LIMS1: variants seen among roughly 807,000 people sequenced by gnomAD.
LIMS1 encodes the protein LIM zinc finger domain containing 1, also known as LIM and senescent cell antigen-like-containing domain protein 1.
In LIMS1, 18 loss-of-function variants were observed where a neutral mutation model predicts 44.1. The ratio of observed to expected loss-of-function variants is 0.41; its 90% CI spans 0.28 to 0.61. LIMS1 has a LOEUF of 0.61. Ranked by LOEUF, LIMS1 falls within the 20% of genes least tolerant of loss-of-function variation. LIMS1 has a pLI of 0.32. For missense variants in LIMS1, 201 were observed against 422.0 expected, an observed-to-expected ratio of 0.48 and a Z score of 4.59; for synonymous variants, 93 against 149.1, an observed-to-expected ratio of 0.62 and a Z score of 2.74.
chr2:108,637,882 G>A (rs1293018464), intron 1 of LIMS1, among the ~76,000 whole-genome samples: 1 of 145,648 alleles, frequency 6.9e-6, no homozygotes, highest in African/African-American at 2.6e-5. Context: ...TTTTTTTTGA[G>A]ACAGTATCTC....
chr2:108,566,050 T>C (rs377734518), intron 1 of LIMS1, among the ~76,000 whole-genome samples: 53 of 152,214 alleles, frequency 3.5e-4, no homozygotes, highest in South Asian at 1.9e-3. Context: ...GTTTTGTGTT[T>C]TGCTGTCAGT....
intron 2 of LIMS1, among the ~76,000 whole-genome samples, chr2:108,663,871 G>C (rs6750452): frequency 0.44 from 66,248 of 151,618 alleles, 15,969 homozygotes; most frequent in East Asian, 0.95. Flanking sequence ...TCTCCTGCCT[G>C]AGGCTCCCAA....
intron 1 of LIMS1, among the ~76,000 whole-genome samples, chr2:108,553,620 G>A (rs1684831006): frequency 6.6e-6 from 1 of 152,150 alleles, no homozygotes; most frequent in Admixed American, 6.5e-5. Flanking sequence ...TAAATCCCTT[G>A]CTTTGCAAAA....
At chr2:108,614,489 A>G (rs1323900431) in intron 1 of LIMS1, among the ~76,000 whole-genome samples, 2 of 152,162 alleles carry the variant, frequency 1.3e-5, no homozygotes, top group Non-Finnish European at 2.9e-5. Context: ...ACACATTTTT[A>G]TGCCAAATAC....
intron 1 of LIMS1, among the ~76,000 whole-genome samples, chr2:108,551,610 ATATATATG>A (rs1429562096): frequency 1.4e-5 from 2 of 141,940 alleles, no homozygotes; most frequent in African/African-American, 5.4e-5. Context: ...ATATATATGT[ATATATATG>A]TATATATGTG....
At chr2:108,656,268 A>G (rs1379869805) in intron 1 of LIMS1, among the ~76,000 whole-genome samples, 1 of 150,912 alleles carries the variant, frequency 6.6e-6, no homozygotes, top group Non-Finnish European at 1.5e-5. Context: ...GATCAGCTTC[A>G]TCAGTCATGC....
intron 1 of LIMS1, among the ~76,000 whole-genome samples, chr2:108,596,640 A>G (rs1044247763): frequency 2.0e-5 from 3 of 152,296 alleles, no homozygotes; most frequent in African/African-American, 7.2e-5. Flanking sequence ...CCTGATCAAC[A>G]TGGAGAAACC....
chr2:108,654,212 C>T (rs1329532698), intron 1 of LIMS1, among the ~76,000 whole-genome samples: 1 of 151,932 alleles, frequency 6.6e-6, no homozygotes, highest in African/African-American at 2.4e-5. Flanking sequence ...TTTCGCATTG[C>T]TAACTCAATC....
At chr2:108,623,758 T>C (rs1269177603) in intron 1 of LIMS1, among the ~76,000 whole-genome samples, 1 of 152,250 alleles carries the variant, frequency 6.6e-6, no homozygotes, top group Non-Finnish European at 1.5e-5. Context: ...CAGCTCTCAT[T>C]CCTTCTTACT....
intron 1 of LIMS1, among the ~76,000 whole-genome samples, chr2:108,589,683 A>G (rs2718717): frequency 0.17 from 25,954 of 152,014 alleles, 2,639 homozygotes; most frequent in African/African-American, 0.27. Flanking sequence ...GCTGCATCCC[A>G]TAAGTTTTAG....
intron 1 of LIMS1, among the ~76,000 whole-genome samples, chr2:108,648,352 G>C (rs898436774): frequency 1.3e-5 from 2 of 152,152 alleles, no homozygotes; most frequent in Non-Finnish European, 2.9e-5. Context: ...CATGCTCATG[G>C]ATAGGAAGAA....
At chr2:108,591,165 A>G (rs1446380365) in intron 1 of LIMS1, among the ~76,000 whole-genome samples, 1 of 152,234 alleles carries the variant, frequency 6.6e-6, no homozygotes, top group Non-Finnish European at 1.5e-5. Flanking sequence ...TAGCAATACC[A>G]TACGAAAGGA....
At chr2:108,563,485 C>T (rs1448167441) in intron 1 of LIMS1, among the ~76,000 whole-genome samples, 4 of 151,984 alleles carry the variant, frequency 2.6e-5, no homozygotes, top group African/African-American at 9.7e-5. Context: ...GGGCTCAAGA[C>T]TTCAGTGGAA....
At chr2:108,680,391 G>C (rs1423522012) in intron 8 of LIMS1, among the ~76,000 whole-genome samples, 1 of 122,208 alleles carries the variant, frequency 8.2e-6, no homozygotes, top group Non-Finnish European at 1.8e-5. Flanking sequence ...AAAAAAATTA[G>C]CCAGGTGTAG....
exon 10 of LIMS1, chr2:108,686,287 C>G (rs1558849765): frequency 1.3e-5 from 2 of 151,706 alleles, no homozygotes; most frequent in East Asian, 3.9e-4. Flanking sequence ...CCACTGCACT[C>G]CAGCCTGGGC....
At chr2:108,580,403 A>C (rs1245780327) in intron 1 of LIMS1, among the ~76,000 whole-genome samples, 2 of 152,144 alleles carry the variant, frequency 1.3e-5, no homozygotes, top group Non-Finnish European at 2.9e-5. Flanking sequence ...AAGGTAGGTG[A>C]CTGTTAGGTG....
chr2:108,581,200 C>G (rs1685870975), intron 1 of LIMS1, among the ~76,000 whole-genome samples: 1 of 152,176 alleles, frequency 6.6e-6, no homozygotes. Context: ...TTACCTCAGC[C>G]TTGCTTAAAT....
chr2:108,587,573 A>AG (rs1201180292), intron 1 of LIMS1, among the ~76,000 whole-genome samples: 13 of 152,070 alleles, frequency 8.5e-5, no homozygotes, highest in African/African-American at 3.1e-4. Flanking sequence ...TTATCCTAAA[A>AG]ATGATTCCTC....
At chr2:108,686,837 T>C (rs531917945) in exon 10 of LIMS1, 2 of 152,128 alleles carry the variant, frequency 1.3e-5, no homozygotes, top group Non-Finnish European at 2.9e-5. Flanking sequence ...ATAATATTTT[T>C]AATAGGGCTT....
Sources: allele counts gnomAD v4.1 joint callset (sites outside exome capture counted in the v4.1 genomes callset), GRCh38; gene constraint gnomAD v4.1.1; transcripts MANE v1.5; gene names NCBI Gene and HGNC (gene_info 2026-07-23, HGNC 2026-07-21).